SCEL: variants seen among roughly 807,000 people sequenced by gnomAD.
SCEL encodes sciellin.
SCEL carries 113 observed loss-of-function variants against 117.6 expected under a neutral mutation model. That is an observed-to-expected ratio of 0.96 (90% confidence interval 0.83 to 1.12). SCEL has a LOEUF of 1.12. SCEL is among the 50% of genes most tolerant of loss of function. The pLI, the probability that SCEL is intolerant of heterozygous loss-of-function variation, is 0.00. For synonymous variants in SCEL, 270 were observed against 256.2 expected (o/e 1.05, Z -0.51); for missense variants, 785 against 810.8 (o/e 0.97, Z 0.39).
At position 77,591,504 on chromosome 13, in the gene SCEL, A is replaced by G. The variant is rs1282776026; in HGVS notation, c.692+44A>G. On this transcript the variant is annotated intron_variant, in intron 11 of 32. Coordinates refer to ENST00000349847, the MANE Select transcript of SCEL (RefSeq NM_144777.3). ...ATATCTATGTAACTGTAGTAATGAT[A>G]AAGTATGCTTTCTCAGCACATTAAA... The G allele has an allele frequency of 1.4e-5, 16 of 1,110,882 alleles. No individual in the cohort carries two copies. The Admixed American group carries it at 2.9e-4, about 20-fold the overall frequency. The allele number at this position is 1,110,882 out of a possible 1,614,324, so 68.8% of individuals were successfully genotyped here.
intron 17 of SCEL, 34 bp downstream of exon 17, chr13:77,602,747 T>C (rs761039281): frequency 1.9e-6 from 3 of 1,572,756 alleles, no homozygotes; most frequent in Non-Finnish European, 2.6e-6. Flanking sequence ...AAATATTGGT[T>C]ATTTTCTCTC....
intron 30 of SCEL, among the ~76,000 whole-genome samples, chr13:77,639,392 G>C (rs551088528): frequency 3.3e-5 from 5 of 152,166 alleles, no homozygotes; most frequent in Non-Finnish European, 7.3e-5. Flanking sequence ...ATGATTAAAA[G>C]TATAAAGCTA....
intron 22 of SCEL, 128 bp downstream of exon 22, chr13:77,610,234 C>A: frequency 1.9e-6 from 1 of 520,296 alleles, no homozygotes; most frequent in Non-Finnish European, 3.3e-6. Flanking sequence ...GGGAGGATCA[C>A]AAGGTCAGGA....
chr13:77,582,238 T>C (rs527483323), intron 9 of SCEL, among the ~76,000 whole-genome samples: 2 of 152,152 alleles, frequency 1.3e-5, no homozygotes, highest in African/African-American at 4.8e-5. Context: ...CTGTTAAATA[T>C]TTTTTTGAAA....
chr13:77,601,448 A>C (rs2087681514), intron 15 of SCEL, among the ~76,000 whole-genome samples: 1 of 152,208 alleles, frequency 6.6e-6, no homozygotes, highest in South Asian at 2.1e-4. Flanking sequence ...GAGAGATGAA[A>C]ATGGCAAAGC....
At chr13:77,549,808 G>C (rs112662214) in intron 1 of SCEL, among the ~76,000 whole-genome samples, 3 of 152,280 alleles carry the variant, frequency 2.0e-5, no homozygotes, top group East Asian at 3.9e-4. Context: ...CAAGACACCA[G>C]TTTAACATTT....
intron 15 of SCEL, 124 bp downstream of exon 15, chr13:77,599,872 CA>C (rs1226042609): frequency 1.4e-6 from 1 of 706,628 alleles, no homozygotes; most frequent in African/African-American, 1.8e-5. Context: ...GACTGGGGTC[CA>C]GGGATAGTGT....
At chr13:77,617,542 C>A (rs767866166) in intron 24 of SCEL, 57 bp from the exon 25 acceptor site, 1 of 1,027,230 alleles carries the variant, frequency 9.7e-7, no homozygotes, top group Non-Finnish European at 1.5e-6. Context: ...TTTCCAATTA[C>A]CTTAAACCTG....
intron 9 of SCEL, among the ~76,000 whole-genome samples, chr13:77,573,608 C>G (rs2085765621): frequency 6.6e-6 from 1 of 152,014 alleles, no homozygotes; most frequent in Non-Finnish European, 1.5e-5. Context: ...ACACAAAGAG[C>G]TCAAGTTGCT....
At position 77,627,985 on chromosome 13, in the gene SCEL, A is replaced by C; in HGVS notation, c.1667A>C (p.His556Pro). The C allele has an allele frequency of 3.3e-6, 5 of 1,509,860 alleles. No individual in the cohort carries two copies. The highest frequency in any genetic ancestry group is 4.5e-6 in the Non-Finnish European group (5 of 1,112,362). 93.5% of individuals were successfully genotyped at this position (1,509,860 alleles called of 1,614,324 possible). ...NLENLIEVNS[H>P]VSENKNGSSN... is the part of the protein sequence containing the mutation. Reference sequence around the variant, plus strand: ...GAAAATTTAATTGAAGTAAATTCTCATGTGTCTGAAAACAAGAATGGAAGG... The same window carrying C: ...GAAAATTTAATTGAAGTAAATTCTCCTGTGTCTGAAAACAAGAATGGAAGG... Residue 556 changes from histidine to proline, a missense_variant, in exon 28 of 33, where the codon CAT (histidine) becomes CCT (proline). Transcript: ENST00000349847.
intron 27 of SCEL, among the ~76,000 whole-genome samples, chr13:77,624,008 T>C: frequency 6.6e-6 from 1 of 152,074 alleles, no homozygotes; most frequent in East Asian, 1.9e-4. Context: ...TCAGCAGGGT[T>C]GGTTCCTTCC....
chr13:77,537,594 A>T (rs1244224206), intron 1 of SCEL, among the ~76,000 whole-genome samples: 1 of 152,180 alleles, frequency 6.6e-6, no homozygotes, highest in Admixed American at 6.5e-5. Flanking sequence ...CTCAGGAGCC[A>T]GTAGCCCCTC....
chr13:77,608,948 C>T (rs1471551606), intron 20 of SCEL, 110 bp from the exon 21 acceptor site: 1 of 889,036 alleles, frequency 1.1e-6, no homozygotes, highest in Non-Finnish European at 1.7e-6. Context: ...CAATTTATCT[C>T]AAAACTCAGT....
At chr13:77,589,254 C>A (rs1369981756) in intron 10 of SCEL, 30 bp downstream of exon 10, 1 of 1,510,258 alleles carries the variant, frequency 6.6e-7, no homozygotes, top group Middle Eastern at 1.7e-4. Flanking sequence ...AATTTCTTGA[C>A]AAAATGAAGT....
intron 27 of SCEL, among the ~76,000 whole-genome samples, chr13:77,625,844 C>T (rs376707780): frequency 3.9e-5 from 6 of 152,142 alleles, no homozygotes; most frequent in African/African-American, 1.2e-4. Flanking sequence ...TTTAGGACCA[C>T]GAGAGGGGAG....
intron 9 of SCEL, among the ~76,000 whole-genome samples, chr13:77,583,492 G>A (rs2086380678): frequency 6.6e-6 from 1 of 152,220 alleles, no homozygotes; most frequent in Non-Finnish European, 1.5e-5. Flanking sequence ...TGACTGCCCA[G>A]TTACGGCTCA....
intron 30 of SCEL, among the ~76,000 whole-genome samples, chr13:77,638,027 A>G (rs2154407009): frequency 6.6e-6 from 1 of 152,290 alleles, no homozygotes; most frequent in East Asian, 1.9e-4. Context: ...CATCATGCAA[A>G]TGTCTGATGT....
chr13:77,538,105 A>T (rs1426869685), intron 1 of SCEL, among the ~76,000 whole-genome samples: 2 of 149,850 alleles, frequency 1.3e-5, no homozygotes, highest in Non-Finnish European at 3.0e-5. Context: ...CTCACTTCTG[A>T]ATCAAAAGTC....
Position 77,553,479 on chromosome 13 carries a change from G to C in SCEL, c.-19-2378G>C, listed in dbSNP as rs115174771. On this transcript the variant is annotated intron_variant, in intron 1 of 32. Transcript: ENST00000349847. ...GAGCCCATTTAGAAACAGGAAAGAG[G>C]CTAGCCAAAAGTCCTGAGACACACT... Among the ~76,000 whole-genome samples, 1,026 of 152,226 alleles carry C rather than the reference G, an allele frequency of 6.7e-3. 17 individuals are homozygous for C. Among genetic ancestry groups the C allele is most frequent in the African/African-American group, 0.024 (981 of 41,540 alleles).
Sources: allele counts gnomAD v4.1 joint callset (sites outside exome capture counted in the v4.1 genomes callset), GRCh38; gene constraint gnomAD v4.1.1; transcripts MANE v1.5; gene names NCBI Gene and HGNC (gene_info 2026-07-23, HGNC 2026-07-21).